Variants in GFM1 observed in about 807,000 individuals in gnomAD.
GFM1 encodes elongation factor G, mitochondrial.
Under a neutral mutation model 96.2 loss-of-function variants are expected in GFM1, and 62 were observed. That is an observed-to-expected ratio of 0.64 (90% CI 0.53 to 0.80). The LOEUF (loss-of-function observed/expected upper bound fraction) is 0.80, where lower values mean the gene tolerates loss of function less well. GFM1 is among the 30% of genes least tolerant of loss of function. GFM1 has a pLI of 0.00. For synonymous variants in GFM1, 282 were observed against 312.9 expected (o/e 0.90, Z 1.04); for missense variants, 852 against 916.6 (o/e 0.93, Z 0.91).
intron 11 of GFM1, 32 bp from the exon 12 acceptor site, chr3:158,665,305 A>C (rs1380391172): frequency 1.9e-6 from 3 of 1,564,658 alleles, no homozygotes; most frequent in Non-Finnish European, 2.6e-6. Context: ...ATGCTCAGTA[A>C]AACATATAGT....
chr3:158,688,108 C>T (rs1427098842), intron 15 of GFM1, among the ~76,000 whole-genome samples: 1 of 151,888 alleles, frequency 6.6e-6, no homozygotes, highest in East Asian at 1.9e-4. Flanking sequence ...TCAAATTCTC[C>T]CATATTCTTG....
Position 158,691,556 on chromosome 3 carries a change from G to A in GFM1, c.*89G>A. The stretch of plus-strand genomic sequence containing the variant: ...TCCAGTGGAATAAATTCAGGCTGCT[G>A]AAACAAGAAATTCTGAGCCCAGGAA... On this transcript the variant is annotated 3_prime_UTR_variant, in exon 18 of 18. Coordinates refer to ENST00000486715, the MANE Select transcript of GFM1 (RefSeq NM_024996.7). The A allele has an allele frequency of 6.8e-7, 1 of 1,468,522 alleles. No individual in the cohort carries two copies. Among genetic ancestry groups the A allele is most frequent in the Non-Finnish European group, 9.5e-7 (1 of 1,054,394 alleles). The allele number at this position is 1,468,522 out of a possible 1,614,324, so 91.0% of individuals were successfully genotyped here.
chr3:158,660,511 GTGC>G, intron 9 of GFM1: 1 of 262,204 alleles, frequency 3.8e-6, no homozygotes. Context: ...GCCTCCCAAA[GTGC>G]TGTGATTACA....
At position 158,645,693 on chromosome 3, in the gene GFM1, T is replaced by G. The variant is rs1721719040; in HGVS notation, c.146T>G (p.Ile49Ser). The change falls in exon 2 of 18, where the codon ATT becomes AGT. Residue 49 changes from isoleucine to serine, a missense_variant. Ile to Ser is a moderately radical substitution (Grantham distance 142). Transcript: ENST00000486715. ...GVIPNEKIRN[I>S]GISAHIDSGK... is the part of the protein sequence containing the mutation. ...ATTCCTAATGAAAAAATACGAAATA[T>G]TGGAATCTCAGCTCACATTGATTCT... 6.2e-7 allele frequency: 1 copy of G among 1,611,636 alleles called. No homozygotes were observed. Among genetic ancestry groups the G allele is most frequent in the East Asian group, 2.2e-5 (1 of 44,854 alleles).
rs139605864 is a variant in GFM1, at chr3:158,675,156, G to A, written c.1602-6839G>A. Among the ~76,000 whole-genome samples, 644 of 151,320 alleles carry A rather than the reference G, an allele frequency of 4.3e-3. 4 individuals carry two copies. The highest frequency in any genetic ancestry group is 0.015 in the African/African-American group (611 of 41,128). ...ACAAAAATTAGCCGGGCGTGGCGGCGGGCGCCTGTAATCCCAGCTACTCGG... is the reference window on the plus strand; with the variant it reads ...ACAAAAATTAGCCGGGCGTGGCGGCAGGCGCCTGTAATCCCAGCTACTCGG... On this transcript the variant is annotated intron_variant, in intron 13 of 17. Transcript: ENST00000486715.
intron 13 of GFM1, chr3:158,666,945 A>C: frequency 6.4e-7 from 1 of 1,551,988 alleles, no homozygotes; most frequent in Non-Finnish European, 8.7e-7. Flanking sequence ...TTAATAAAGC[A>C]TACTGTGGCT....
intron 13 of GFM1, chr3:158,670,852 T>G: frequency 3.1e-6 from 4 of 1,288,544 alleles, no homozygotes; most frequent in Non-Finnish European, 4.0e-6. Flanking sequence ...GAAGATGGCC[T>G]GAGCCCGGGA....
At position 158,652,155 on chromosome 3, in the gene GFM1, G is replaced by A. The variant is rs752251570; in HGVS notation, c.749G>A (p.Arg250Gln). Residue 250 changes from arginine to glutamine, a missense_variant, in exon 6 of 18, where the codon CGG becomes CAG. Transcript: ENST00000486715. ...AELRAAATDH[R>Q]QELIECVANS... ...TTAAGGGCGGCGGCCACTGACCACC[G>A]GCAGGAGCTAATTGAATGTGTTGCC... The A allele has an allele frequency of 5.0e-6, 8 of 1,613,844 alleles. No homozygotes were observed. The highest frequency in any genetic ancestry group is 1.7e-5 in the Admixed American group (1 of 60,008).
At chr3:158,675,390 AAAATGTATAAAATATTTCTGATT>A (rs1405532345) in intron 13 of GFM1, among the ~76,000 whole-genome samples, 1 of 151,334 alleles carries the variant, frequency 6.6e-6, no homozygotes, top group African/African-American at 2.4e-5. Context: ...TATATTTTTA[AAAATGTATAAAATATTTCTGATT>A]AATAGATGAA....
chr3:158,664,899 G>A (rs1260529523), intron 11 of GFM1, among the ~76,000 whole-genome samples: 5 of 152,192 alleles, frequency 3.3e-5, no homozygotes, highest in Admixed American at 6.5e-5. Context: ...AAGTCTCATC[G>A]TGGTATTTGC....
chr3:158,679,037 C>T (rs1449486030), intron 13 of GFM1, among the ~76,000 whole-genome samples: 1 of 152,172 alleles, frequency 6.6e-6, no homozygotes, highest in Admixed American at 6.6e-5. Flanking sequence ...CCACAGCCAC[C>T]TCAACCTGCA....
At chr3:158,665,611 C>T (rs1354490810) in intron 12 of GFM1, 137 bp downstream of exon 12, 2 of 727,592 alleles carry the variant, frequency 2.7e-6, no homozygotes, top group African/African-American at 1.8e-5. Context: ...CAGATGTGGT[C>T]TACTGCTTCC....
chr3:158,662,601 T>TA, intron 10 of GFM1, 27 bp from the exon 11 acceptor site: 1 of 1,430,378 alleles, frequency 7.0e-7, no homozygotes, highest in Non-Finnish European at 9.9e-7. Context: ...TTTTAATTCT[T>TA]CTGTTTTCTT....
At position 158,692,428 on chromosome 3, in the gene GFM1, C is replaced by T. The variant is rs1218217839; in HGVS notation, c.*961C>T. On this transcript the variant is annotated 3_prime_UTR_variant, in exon 18 of 18. Coordinates refer to ENST00000486715, the MANE Select transcript of GFM1 (RefSeq NM_024996.7). ...AGATTATGAAGGGACAAATGTTAAT[C>T]TTTTGTTTCCAGAAAAAGTTGGGCT... The T allele has an allele frequency of 6.6e-6, 1 of 152,142 alleles. No homozygotes were observed. The highest frequency in any genetic ancestry group is 2.4e-5 in the African/African-American group (1 of 41,432). 9.4% of individuals were successfully genotyped at this position (152,142 alleles called of 1,614,324 possible).
intron 13 of GFM1, chr3:158,666,868 T>C: frequency 1.4e-6 from 2 of 1,437,022 alleles, no homozygotes; most frequent in Non-Finnish European, 1.9e-6. Flanking sequence ...GTTAAATTGC[T>C]GCAATTATAA....
chr3:158,667,153 T>C, intron 13 of GFM1: 4 of 1,351,902 alleles, frequency 3.0e-6, no homozygotes, highest in Non-Finnish European at 4.0e-6. Context: ...AAAATCATCT[T>C]TGATTAGATG....
intron 8 of GFM1, 96 bp downstream of exon 8, chr3:158,654,727 G>T: frequency 1.2e-6 from 1 of 852,868 alleles, no homozygotes. Context: ...TTTTATGAAA[G>T]ATTTGGAAAA....
intron 13 of GFM1, among the ~76,000 whole-genome samples, chr3:158,679,930 T>C (rs766583501): frequency 1.3e-5 from 2 of 152,138 alleles, no homozygotes; most frequent in Admixed American, 1.3e-4. Flanking sequence ...GCTAGTAACA[T>C]AGGTTATGAG....
chr3:158,669,421 A>G (rs1724044998), intron 13 of GFM1: 1 of 1,596,878 alleles, frequency 6.3e-7, no homozygotes, highest in Non-Finnish European at 8.5e-7. Flanking sequence ...TTTTCATGCC[A>G]TATTTATATA....
Sources: gnomAD v4.1 joint callset for allele counts (sites outside exome capture counted in the v4.1 genomes callset) on GRCh38, gnomAD v4.1.1 for gene constraint, MANE v1.5 for transcripts, NCBI Gene and HGNC (gene_info 2026-07-23, HGNC 2026-07-21) for gene names.